The following PRKCE variants were observed in gnomAD, a reference collection of about 807,000 sequenced individuals.
PRKCE encodes protein kinase C epsilon.
A neutral mutation model predicts 85.4 loss-of-function variants in PRKCE; 16 were observed. The observed-to-expected ratio is 0.19, with a 90% CI of 0.13 to 0.28. The LOEUF (loss-of-function observed/expected upper bound fraction) is 0.28. Ranked by LOEUF, PRKCE falls within the 10% of genes least tolerant of loss-of-function variation. PRKCE has a pLI of 1.00. For synonymous variants in PRKCE, 388 were observed against 371.5 expected (o/e 1.04, Z -0.51); for missense variants, 573 against 975.2 (o/e 0.59, Z 5.49).
At chr2:46,075,497 T>C (rs1668479818) in intron 10 of PRKCE, among the ~76,000 whole-genome samples, 1 of 152,000 alleles carries the variant, frequency 6.6e-6, no homozygotes, top group Non-Finnish European at 1.5e-5. Flanking sequence ...TCCCAGCATT[T>C]TGGGAGGCCA....
chr2:45,987,672 C>T (rs1703448213), intron 6 of PRKCE, among the ~76,000 whole-genome samples: 1 of 152,254 alleles, frequency 6.6e-6, no homozygotes, highest in East Asian at 1.9e-4. Flanking sequence ...TTATCACTCA[C>T]AGTCTGTGGT....
chr2:45,807,808 C>T (rs1241208003), intron 1 of PRKCE, among the ~76,000 whole-genome samples: 1 of 152,102 alleles, frequency 6.6e-6, no homozygotes, highest in Non-Finnish European at 1.5e-5. Context: ...CTTTACCAAG[C>T]CCTCCAGGTG....
chr2:45,792,340 C>G (rs1687098104), intron 1 of PRKCE, among the ~76,000 whole-genome samples: 1 of 152,160 alleles, frequency 6.6e-6, no homozygotes, highest in Non-Finnish European at 1.5e-5. Context: ...TCATGAGGCC[C>G]CACCTCCCAA....
At chr2:46,162,922 G>A (rs560303486) in intron 14 of PRKCE, among the ~76,000 whole-genome samples, 100 of 152,282 alleles carry the variant, frequency 6.6e-4, no homozygotes, top group Non-Finnish European at 1.2e-3. Flanking sequence ...GCACCAGCCC[G>A]AGTCATCCGT....
intron 1 of PRKCE, among the ~76,000 whole-genome samples, chr2:45,784,500 T>A (rs777239398): frequency 5.3e-5 from 8 of 152,214 alleles, no homozygotes; most frequent in Admixed American, 1.3e-4. Context: ...ATTTGCAAAG[T>A]CGGAATCCAA....
intron 14 of PRKCE, among the ~76,000 whole-genome samples, chr2:46,162,596 G>A (rs899367918): frequency 2.6e-5 from 4 of 152,194 alleles, no homozygotes; most frequent in Admixed American, 6.5e-5. Context: ...AATTCAGTTG[G>A]GAGGAGAGAA....
intron 1 of PRKCE, among the ~76,000 whole-genome samples, chr2:45,749,988 C>A (rs1334103625): frequency 6.6e-6 from 1 of 152,120 alleles, no homozygotes; most frequent in Non-Finnish European, 1.5e-5. Flanking sequence ...TTAAAAAAAT[C>A]TTCACTTGTC....
In PRKCE at chr2:46,049,259, C is replaced by T. The variant is rs535995745; in HGVS notation, c.1438-36949C>T. 1.0e-3 allele frequency among the ~76,000 whole-genome samples: 152 copies of T among 152,270 alleles called. 3 individuals carry two copies. In the South Asian group the frequency reaches 0.031, roughly 31 times the overall value. On this transcript the variant is annotated intron_variant, in intron 10 of 14. Coordinates refer to ENST00000306156, the MANE Select transcript of PRKCE (RefSeq NM_005400.3). ...TCAGGGTTTCTGCTTAGAAGCTTCC[C>T]ACCTGTCAGTATTGCCGAGTGGGCT...
intron 2 of PRKCE, among the ~76,000 whole-genome samples, chr2:45,954,335 G>A (rs1286693809): frequency 6.6e-6 from 1 of 152,132 alleles, no homozygotes; most frequent in Non-Finnish European, 1.5e-5. Context: ...TTTCTGAAGA[G>A]CAGACAATTT....
rs562326186 is a variant in PRKCE at position 46,185,836 on chromosome 2, C to T, written c.*955C>T. 6.6e-6 allele frequency: 1 copy of T among 152,348 alleles called. No individual in the cohort carries two copies. Among genetic ancestry groups the T allele is most frequent in the African/African-American group, 2.4e-5 (1 of 41,568 alleles). The allele number at this position is 152,348 out of a possible 1,614,324, so 9.4% of individuals were successfully genotyped here. ...CAACAAAGCTCAGCTCCCAGATTCTCTTTCCAGTTTCATCCTAAGTTCCTA... is the reference window on the plus strand; with the variant it reads ...CAACAAAGCTCAGCTCCCAGATTCTTTTTCCAGTTTCATCCTAAGTTCCTA... On this transcript the variant is annotated 3_prime_UTR_variant, in exon 15 of 15. Coordinates refer to ENST00000306156, the MANE Select transcript of PRKCE (RefSeq NM_005400.3). The surrounding 1 kb of genome is among the most constrained non-coding windows in gnomAD (Gnocchi z 4.7).
At chr2:45,991,363 A>AT (rs80278318) in intron 6 of PRKCE, among the ~76,000 whole-genome samples, 48 of 151,812 alleles carry the variant, frequency 3.2e-4, no homozygotes, top group Admixed American at 5.9e-4. Flanking sequence ...GAGGACAGAG[A>AT]TTTTTTTTTG....
At chr2:45,784,420 A>T (rs1426187869) in intron 1 of PRKCE, among the ~76,000 whole-genome samples, 1 of 152,246 alleles carries the variant, frequency 6.6e-6, no homozygotes, top group East Asian at 1.9e-4. Flanking sequence ...AGCTTAAAAG[A>T]TAATCAGATT....
At chr2:45,673,587 T>A (rs1219447588) in intron 1 of PRKCE, among the ~76,000 whole-genome samples, 1 of 152,166 alleles carries the variant, frequency 6.6e-6, no homozygotes, top group East Asian at 1.9e-4. Flanking sequence ...ACTAACATGG[T>A]GAGGAGGAAA....
At chr2:45,990,341 TG>T (rs1409533001) in intron 6 of PRKCE, among the ~76,000 whole-genome samples, 2 of 152,230 alleles carry the variant, frequency 1.3e-5, no homozygotes, top group Non-Finnish European at 2.9e-5. Flanking sequence ...CACGAGGCAA[TG>T]GGACATCTTA....
rs1365264865 is a variant in PRKCE at position 46,032,266 on chromosome 2, A to G, written c.1437+21749A>G. 4.0e-5 allele frequency among the ~76,000 whole-genome samples: 6 copies of G among 151,690 alleles called. No homozygotes were observed. In the East Asian group the frequency reaches 1.2e-3, roughly 29 times the overall value. ...TTTGACAGATGAGGAAATAGGCACA[A>G]ACGATGAGCTGGGACTGGAACTGAG... On this transcript the variant is annotated intron_variant, in intron 10 of 14. Coordinates refer to ENST00000306156, the MANE Select transcript of PRKCE (RefSeq NM_005400.3).
At chr2:45,700,983 C>T (rs1247565836) in intron 1 of PRKCE, among the ~76,000 whole-genome samples, 4 of 152,168 alleles carry the variant, frequency 2.6e-5, no homozygotes, top group African/African-American at 7.2e-5. Context: ...GGAGTGTGGC[C>T]TTGCTAACAC....
chr2:45,694,488 C>G (rs1304795307), intron 1 of PRKCE, among the ~76,000 whole-genome samples: 1 of 152,164 alleles, frequency 6.6e-6, no homozygotes, highest in Non-Finnish European at 1.5e-5. Context: ...TGCTAACAGA[C>G]ACAAGAGGAA....
At chr2:45,749,848 T>C (rs904343857) in intron 1 of PRKCE, among the ~76,000 whole-genome samples, 16 of 152,204 alleles carry the variant, frequency 1.1e-4, no homozygotes, top group African/African-American at 3.9e-4. Context: ...AGACAGGACA[T>C]AGGTTGATAA....
intron 1 of PRKCE, among the ~76,000 whole-genome samples, chr2:45,715,681 G>C (rs1680028380): frequency 1.3e-5 from 2 of 152,196 alleles, no homozygotes; most frequent in African/African-American, 2.4e-5. Context: ...AAGGTATAAA[G>C]AGGAGATGAG....
Sources: gnomAD v4.1 joint callset for allele counts (sites outside exome capture counted in the v4.1 genomes callset) on GRCh38, gnomAD v4.1.1 for gene constraint, Gnocchi (gnomAD v3.1) non-coding constraint, MANE v1.5 for transcripts, NCBI Gene and HGNC (gene_info 2026-07-23, HGNC 2026-07-21) for gene names.